Variants in CHSY3 observed in about 807,000 individuals in gnomAD.
The protein encoded by CHSY3 is N-acetylgalactosaminyl-proteoglycan 3-beta-glucuronosyltransferase 3.
In CHSY3, 35 loss-of-function variants were observed where a neutral mutation model predicts 67.2. That is an observed-to-expected ratio of 0.52 (90% CI 0.40 to 0.69). The LOEUF (loss-of-function observed/expected upper bound fraction) is 0.69. CHSY3 is among the 30% of genes least tolerant of loss of function. CHSY3 has a pLI of 0.00. For missense variants in CHSY3, 1,069 were observed against 1,138.5 expected, an observed-to-expected ratio of 0.94 and a Z score of 0.88; for synonymous variants, 474 against 434.7, an observed-to-expected ratio of 1.09 and a Z score of -1.12.
intron 2 of CHSY3, among the ~76,000 whole-genome samples, chr5:129,941,307 C>A (rs1761691678): frequency 6.6e-6 from 1 of 152,126 alleles, no homozygotes; most frequent in South Asian, 2.1e-4. Flanking sequence ...ACATCCATAT[C>A]TTTGTATAAA....
intron 2 of CHSY3, among the ~76,000 whole-genome samples, chr5:130,138,649 T>C (rs1768751572): frequency 6.6e-6 from 1 of 152,128 alleles, no homozygotes; most frequent in Non-Finnish European, 1.5e-5. Flanking sequence ...AGAGCTAAAA[T>C]GAGGCTGGGA....
At chr5:129,958,145 C>A (rs1406070000) in intron 2 of CHSY3, among the ~76,000 whole-genome samples, 2 of 152,084 alleles carry the variant, frequency 1.3e-5, no homozygotes, top group Non-Finnish European at 2.9e-5. Context: ...ATGTGATACT[C>A]TTCTTGAATA....
intron 2 of CHSY3, among the ~76,000 whole-genome samples, chr5:129,994,560 G>A (rs781073527): frequency 4.9e-4 from 75 of 151,824 alleles, no homozygotes; most frequent in Non-Finnish European, 8.5e-4. Context: ...TTTTCATACC[G>A]GATTATAAAT....
chr5:130,149,312 T>C (rs1769164558), intron 2 of CHSY3, among the ~76,000 whole-genome samples: 1 of 152,198 alleles, frequency 6.6e-6, no homozygotes, highest in African/African-American at 2.4e-5. Flanking sequence ...TGGCTCATGG[T>C]TCTGCAGGCT....
chr5:129,910,590 A>T (rs1458653672), intron 2 of CHSY3, among the ~76,000 whole-genome samples: 1 of 152,030 alleles, frequency 6.6e-6, no homozygotes, highest in Non-Finnish European at 1.5e-5. Context: ...TGTTAGCAAA[A>T]CTAGTAAAGA....
intron 2 of CHSY3, among the ~76,000 whole-genome samples, chr5:130,078,539 T>C (rs1006583373): frequency 2.6e-5 from 4 of 152,078 alleles, no homozygotes; most frequent in African/African-American, 9.7e-5. Flanking sequence ...TTGATGGGAG[T>C]TGACTATTGG....
intron 2 of CHSY3, among the ~76,000 whole-genome samples, chr5:130,168,945 C>G (rs1354994955): frequency 6.6e-6 from 1 of 151,946 alleles, no homozygotes; most frequent in Non-Finnish European, 1.5e-5. Context: ...TCTATAGTAA[C>G]TGATGCATTT....
At chr5:130,063,987 A>G (rs1183718047) in intron 2 of CHSY3, among the ~76,000 whole-genome samples, 12 of 152,108 alleles carry the variant, frequency 7.9e-5, no homozygotes, top group Admixed American at 3.9e-4. Context: ...TATACTGATG[A>G]GGGTGATTTT....
At chr5:129,985,187 T>C (rs1049903537) in intron 2 of CHSY3, among the ~76,000 whole-genome samples, 1 of 152,128 alleles carries the variant, frequency 6.6e-6, no homozygotes, top group East Asian at 1.9e-4. Context: ...TAATCTTGAG[T>C]TGGTTTTTTA....
chr5:130,086,720 A>G (rs1405126096), intron 2 of CHSY3, among the ~76,000 whole-genome samples: 1 of 152,154 alleles, frequency 6.6e-6, no homozygotes, highest in Non-Finnish European at 1.5e-5. Context: ...TTGTGGCAAT[A>G]ATCAATAGCT....
At chr5:129,923,642 G>C (rs1273360129) in intron 2 of CHSY3, among the ~76,000 whole-genome samples, 7 of 152,164 alleles carry the variant, frequency 4.6e-5, no homozygotes, top group African/African-American at 1.7e-4. Flanking sequence ...TGAGGGAGAA[G>C]CTTTTCTGCA....
chr5:129,921,050 G>A (rs1254413409), intron 2 of CHSY3, among the ~76,000 whole-genome samples: 2 of 152,098 alleles, frequency 1.3e-5, no homozygotes, highest in Non-Finnish European at 2.9e-5. Flanking sequence ...CAACTCCTGA[G>A]CTCAAGTGAT....
intron 2 of CHSY3, among the ~76,000 whole-genome samples, chr5:130,105,023 T>C (rs1767371338): frequency 6.6e-6 from 1 of 151,570 alleles, no homozygotes. Flanking sequence ...CTTAGACTTA[T>C]AAAGTCAAGG....
intron 2 of CHSY3, among the ~76,000 whole-genome samples, chr5:129,974,284 A>G (rs1762729976): frequency 6.6e-6 from 1 of 152,132 alleles, no homozygotes; most frequent in Non-Finnish European, 1.5e-5. Flanking sequence ...CTGGCTGTGC[A>G]GATTATCACC....
chr5:130,143,393 C>A (rs370325262), intron 2 of CHSY3, among the ~76,000 whole-genome samples: 1 of 151,854 alleles, frequency 6.6e-6, no homozygotes, highest in Admixed American at 6.6e-5. Flanking sequence ...TAAGACAGGC[C>A]AAATTAATCT....
At chr5:130,125,344 G>T (rs1768235012) in intron 2 of CHSY3, among the ~76,000 whole-genome samples, 1 of 152,118 alleles carries the variant, frequency 6.6e-6, no homozygotes, top group Non-Finnish European at 1.5e-5. Flanking sequence ...TTGAGTTCAA[G>T]AAATTGAGGC....
chr5:130,077,724 C>G lies in CHSY3; in HGVS notation c.1087-106505C>G, dbSNP rs547154994. ...CGGATAATTCACAATTACTGACTAG[C>G]GATCCTGTATCTCTTTAAATTACTG... On this transcript the variant is annotated intron_variant, in intron 2 of 2. Coordinates refer to ENST00000305031, the MANE Select transcript of CHSY3 (RefSeq NM_175856.5). Among the ~76,000 whole-genome samples the G allele has an allele frequency of 3.7e-4, 56 of 151,956 alleles. 1 individual carries two copies. In the South Asian group the frequency reaches 7.9e-3, roughly 21 times the overall value.
intron 2 of CHSY3, among the ~76,000 whole-genome samples, chr5:130,026,932 T>C (rs532018759): frequency 3.3e-5 from 5 of 152,106 alleles, no homozygotes; most frequent in Non-Finnish European, 7.4e-5. Flanking sequence ...CATAAGTACA[T>C]AGGTAAATCT....
At chr5:130,015,703 A>G (rs116183477) in intron 2 of CHSY3, among the ~76,000 whole-genome samples, 2,438 of 152,334 alleles carry the variant, frequency 0.016, 52 homozygotes, top group African/African-American at 0.054. Context: ...TCTTAGAACT[A>G]TGATTCAACC....
Sources: allele counts gnomAD v4.1 joint callset (sites outside exome capture counted in the v4.1 genomes callset), GRCh38; gene constraint gnomAD v4.1.1; transcripts MANE v1.5; gene names NCBI Gene and HGNC (gene_info 2026-07-23, HGNC 2026-07-21).